The following HCFC1 variants were observed in gnomAD, a reference collection of about 807,000 sequenced individuals.
HCFC1 encodes the protein host cell factor C1.
HCFC1 carries 7 observed loss-of-function variants against 105.5 expected under a neutral mutation model. The ratio of observed to expected loss-of-function variants is 0.07; its 90% CI spans 0.04 to 0.12. The LOEUF (loss-of-function observed/expected upper bound fraction) is 0.12. Among genes scored for constraint, HCFC1 ranks in the 10% least tolerant of loss-of-function variants. The pLI, the probability that HCFC1 is intolerant of heterozygous loss-of-function variation, is 1.00. For missense variants in HCFC1, 1,065 were observed against 1,823.6 expected, an observed-to-expected ratio of 0.58 and a Z score of 7.58; for synonymous variants, 918 against 828.1, an observed-to-expected ratio of 1.11 and a Z score of -1.86.
chrX:153,950,741 C>A (rs910759871), intron 23 of HCFC1, 72 bp downstream of exon 23: 162 of 1,064,566 alleles, frequency 1.5e-4, no homozygotes, highest in Admixed American at 8.6e-4. Context: ...TATGCCCCCC[C>A]CCGGCCACCT....
In HCFC1 at chrX:153,957,897, A is replaced by T. The variant is rs1557115603; in HGVS notation, c.2029-11T>A. ...GCCCAGATTGGAAATCTAAAAAGGA[A>T]GGGATGGAGCAAGGAGTGATCTGGA... On this transcript the variant is annotated splice_polypyrimidine_tract_variant and intron_variant, in intron 11 of 25. Coordinates refer to ENST00000310441, the MANE Select transcript of HCFC1 (RefSeq NM_005334.3). 1.7e-6 allele frequency: 2 copies of T among 1,183,181 alleles called. No individual in the cohort carries two copies. Among genetic ancestry groups the T allele is most frequent in the South Asian group, 3.6e-5 (2 of 56,316 alleles).
chrX:153,949,579 G>C lies in HCFC1; in HGVS notation c.6042C>G (p.Asn2014Lys). 1 of 1,211,401 alleles carries C rather than the reference G, an allele frequency of 8.3e-7. No individual in the cohort carries two copies. The highest frequency in any genetic ancestry group is 1.1e-6 in the Non-Finnish European group (1 of 894,961). The change falls in exon 25 of 26, where the codon AAC (asparagine) becomes AAG (lysine). Residue 2014 changes from asparagine to lysine, a missense_variant. Asn to Lys is a moderately conservative substitution (Grantham distance 94). This residue lies in a region of HCFC1 where 18 missense variants were observed against 28.8 expected (regional missense o/e 0.62). Coordinates refer to ENST00000310441, the MANE Select transcript of HCFC1 (RefSeq NM_005334.3). ...TTTCTGGAGAGGACATGGGCCGCTTGTTGGCTGGCTTGGTGCCAGAGCTGT... is the reference window on the plus strand; with the variant it reads ...TTTCTGGAGAGGACATGGGCCGCTTCTTGGCTGGCTTGGTGCCAGAGCTGT... ...SKDSSGTKPA[N>K]KRPMSSPEMK...
chrX:153,961,614 T>C lies in HCFC1; in HGVS notation c.832A>G (p.Met278Val). 8.3e-7 allele frequency: 1 copy of C among 1,207,614 alleles called. No individual in the cohort carries two copies. Among genetic ancestry groups the C allele is most frequent in the Non-Finnish European group, 1.1e-6 (1 of 892,293 alleles). The stretch of plus-strand genomic sequence containing the variant: ...TGTGTGGCCACTTTGACGTCATCCA[T>C]GACGAGAGGCACCCAGCCACCAAAC... ...YVFGGWVPLV[M>V]DDVKVATHEK... The change falls in exon 6 of 26, where the codon ATG (methionine) becomes GTG (valine). Residue 278 changes from methionine (M) to valine (V), a missense_variant. Physicochemically the swap from Met to Val is conservative, Grantham distance 21. This residue lies in a region of HCFC1 where 5 missense variants were observed against 23.5 expected (regional missense o/e 0.21). Transcript: ENST00000310441.
Position 153,956,556 on chromosome X carries a change from G to C in HCFC1, c.2635+69C>G. The C allele has an allele frequency of 3.4e-6, 4 of 1,171,039 alleles. No individual in the cohort carries two copies. In the South Asian group the frequency reaches 7.2e-5, roughly 21 times the overall value. On this transcript the variant is annotated intron_variant, in intron 15 of 25. Transcript: ENST00000310441. ...TGCTGTGCCACCCAGCTGTGCCATG[G>C]GGATTGAAGGCCAGCCCTGCTTCGT...
chrX:153,956,404 C>T lies in HCFC1; in HGVS notation c.2643G>A (p.Thr881=), dbSNP rs368119827. ...TLVVKGTTGV[T]TLGTVTGTVS... ...CGGTGCCTGTCACTGTGCCTAGGGT[C>T]GTGACACCTGAAGGAAAGGAGGCAA... The change falls in exon 16 of 26, where the codon ACG becomes ACA. Residue 881 remains threonine (T), a synonymous_variant. Transcript: ENST00000310441. 1.4e-5 allele frequency: 17 copies of T among 1,207,030 alleles called. No homozygotes were observed. In the African/African-American group the frequency reaches 2.3e-4, roughly 16 times the overall value.
At chrX:153,968,985 C>A (rs1557119173) in intron 1 of HCFC1, among the ~76,000 whole-genome samples, 1 of 112,318 alleles carries the variant, frequency 8.9e-6, no homozygotes, top group East Asian at 2.8e-4. Context: ...CTGAGAAAGG[C>A]CCTGCTCCCT....
Position 153,951,980 on chromosome X carries a change from C to T in HCFC1, c.5121G>A (p.Gln1707=), listed in dbSNP as rs782118157. ...QQQLQEAQAQ[Q]QHHHLPTEAL... is the part of the protein sequence containing the mutation. ...CCTCAGTGGGGAGGTGGTGATGCTG[C>T]TGCTGGGCCTGGGCCTCCTGCAGCT... The change falls in exon 20 of 26, where the codon CAG becomes CAA. Residue 1707 remains glutamine, a synonymous_variant. Coordinates refer to ENST00000310441, the MANE Select transcript of HCFC1 (RefSeq NM_005334.3). 1.7e-6 allele frequency: 2 copies of T among 1,192,068 alleles called. No individual in the cohort carries two copies. Among genetic ancestry groups the T allele is most frequent in the Non-Finnish European group, 2.3e-6 (2 of 886,912 alleles).
chrX:153,949,087 T>G lies in HCFC1; in HGVS notation c.*260A>C. ...TCCCCGCAAAAGTCTCTCCCCAGGG[T>G]GGGCGGCAGCGGGGAGGAAAGGAAG... On this transcript the variant is annotated 3_prime_UTR_variant, in exon 26 of 26. Coordinates refer to ENST00000310441, the MANE Select transcript of HCFC1 (RefSeq NM_005334.3). 1 of 292,229 alleles carries G rather than the reference T, an allele frequency of 3.4e-6. No individual in the cohort carries two copies. Among genetic ancestry groups the G allele is most frequent in the South Asian group, 7.2e-5 (1 of 13,847 alleles). 24.1% of individuals were successfully genotyped at this position (292,229 alleles called of 1,213,427 possible). A position where few individuals can be genotyped will look rare whatever the true frequency, so the allele number is the denominator to read the frequency against.
chrX:153,955,566 A>C, intron 16 of HCFC1, 24 bp from the exon 17 acceptor site: 2 of 1,156,419 alleles, frequency 1.7e-6, no homozygotes, highest in Non-Finnish European at 2.3e-6. Context: ...CGAGGAGGAG[A>C]GTTAGTGCTG....
chrX:153,957,078 G>T lies in HCFC1; in HGVS notation c.2354-18C>A. 8.3e-7 allele frequency: 1 copy of T among 1,200,059 alleles called. No homozygotes were observed. The highest frequency in any genetic ancestry group is 3.0e-4 in the Middle Eastern group (1 of 3,318). ...GGTCACACCTGGATGGGAGAGTGGG[G>T]CCCAGGGGAGACAGGCTCTGTGAGG... is the stretch of plus-strand genomic sequence containing the variant. On this transcript the variant is annotated intron_variant, in intron 13 of 25. Coordinates refer to ENST00000310441, the MANE Select transcript of HCFC1 (RefSeq NM_005334.3).
rs1051152 is a variant in HCFC1 at position 153,954,909 on chromosome X, A to G, written c.3490T>C (p.Ser1164Pro). The change falls in exon 17 of 26, where the codon TCC becomes CCC. Residue 1164 changes from serine (S) to proline (P), a missense_variant. By Grantham distance (74) the Ser-to-Pro change is moderately conservative. Coordinates refer to ENST00000310441, the MANE Select transcript of HCFC1 (RefSeq NM_005334.3). The stretch of plus-strand genomic sequence containing the variant: ...CTGGTCTGGCGGGTTTGGCACTGGG[A>G]CTTAGAGCCCTGGGCTGCCTCCAGC... ...GALEAAQGSK[S>P]QCQTRQTSAT... The G allele has an allele frequency of 0.25, 295,336 of 1,169,617 alleles. 37,426 individuals carry two copies. Among genetic ancestry groups the G allele is most frequent in the East Asian group, 0.75 (24,115 of 32,106 alleles).
At chrX:153,961,781 T>G in intron 5 of HCFC1, 133 bp from the exon 6 acceptor site, 1 of 494,586 alleles carries the variant, frequency 2.0e-6, no homozygotes, top group Non-Finnish European at 3.5e-6. Context: ...GCGTGAAGCC[T>G]CCTGACGTGG....
At chrX:153,962,329 G>C in intron 4 of HCFC1, 23 bp from the exon 5 acceptor site, 1 of 1,125,859 alleles carries the variant, frequency 8.9e-7, no homozygotes, top group Non-Finnish European at 1.2e-6. Flanking sequence ...GGAGGGGAAA[G>C]GGTTACACAA....
intron 17 of HCFC1, 73 bp from the exon 18 acceptor site, chrX:153,953,843 C>CT: frequency 9.5e-7 from 1 of 1,052,114 alleles, no homozygotes; most frequent in African/African-American, 1.8e-5. Flanking sequence ...CCACCACAGG[C>CT]TTCCTCTACC....
In HCFC1 at chrX:153,957,387, G is replaced by A; in HGVS notation, c.2280C>T (p.Thr760=). The change falls in exon 13 of 26, where the codon ACC becomes ACT. Residue 760 remains threonine (T), a synonymous_variant. Coordinates refer to ENST00000310441, the MANE Select transcript of HCFC1 (RefSeq NM_005334.3). ...ILGISSVSPS[T]TKPGTTTIIK... ...TGATGGTGGTCGTGCCGGGCTTGGTGGTACTGGGGGAGACGCTGCTGATGC... is the reference window on the plus strand; with the variant it reads ...TGATGGTGGTCGTGCCGGGCTTGGTAGTACTGGGGGAGACGCTGCTGATGC... 3.3e-6 allele frequency: 4 copies of A among 1,208,317 alleles called. No individual in the cohort carries two copies. The highest frequency in any genetic ancestry group is 4.5e-6 in the Non-Finnish European group (4 of 893,088).
At chrX:153,950,080 C>T (rs1270382514) in intron 24 of HCFC1, among the ~76,000 whole-genome samples, 163 bp downstream of exon 24, 1 of 112,114 alleles carries the variant, frequency 8.9e-6, no homozygotes, top group Non-Finnish European at 1.9e-5. Context: ...GCTGGGTCCC[C>T]TGCTCTACTT....
At chrX:153,959,524 A>C (rs1206666145) in intron 8 of HCFC1, 33 bp from the exon 9 acceptor site, 1 of 1,201,758 alleles carries the variant, frequency 8.3e-7, no homozygotes, top group Non-Finnish European at 1.1e-6. Context: ...GTCAGCCATC[A>C]CCTTCTGCAC....
At position 153,956,388 on chromosome X, in the gene HCFC1, T is replaced by A; in HGVS notation, c.2659A>T (p.Thr887Ser). 2.5e-6 allele frequency: 3 copies of A among 1,211,285 alleles called. No individual in the cohort carries two copies. The highest frequency in any genetic ancestry group is 3.4e-6 in the Non-Finnish European group (3 of 895,105). Residue 887 changes from threonine to serine, a missense_variant, in exon 16 of 26, where the codon ACA becomes TCA. By Grantham distance (58) the Thr-to-Ser change is moderately conservative. Coordinates refer to ENST00000310441, the MANE Select transcript of HCFC1 (RefSeq NM_005334.3). ...TTGVTTLGTV[T>S]GTVSTSLAGA... is the part of the protein sequence containing the mutation. ...GCAAGGCTGGTGGAGACGGTGCCTGTCACTGTGCCTAGGGTCGTGACACCT... is the reference window on the plus strand; with the variant it reads ...GCAAGGCTGGTGGAGACGGTGCCTGACACTGTGCCTAGGGTCGTGACACCT...
intron 15 of HCFC1, 78 bp from the exon 16 acceptor site, chrX:153,956,489 C>A: frequency 9.1e-7 from 1 of 1,100,423 alleles, no homozygotes; most frequent in Admixed American, 2.2e-5. Flanking sequence ...CAGGCTGGGG[C>A]ACTCTGGAGC....
Sources: gnomAD v4.1 joint callset for allele counts (sites outside exome capture counted in the v4.1 genomes callset) on GRCh38, gnomAD v4.1.1 for gene constraint, gnomAD v4.1.1 regional missense constraint, MANE v1.5 for transcripts, NCBI Gene and HGNC (gene_info 2026-07-23, HGNC 2026-07-21) for gene names.